OSMR: variants seen among roughly 807,000 people sequenced by gnomAD.
OSMR encodes oncostatin-M-specific receptor subunit beta.
OSMR carries 81 observed loss-of-function variants against 99.9 expected under a neutral mutation model. The ratio of observed to expected loss-of-function variants is 0.81; its 90% CI spans 0.68 to 0.97. The LOEUF (loss-of-function observed/expected upper bound fraction) is 0.97, where lower values mean the gene tolerates loss of function less well. Among genes scored for constraint, OSMR ranks in the 50% least tolerant of loss-of-function variants. The pLI is 0.00. For missense variants in OSMR, 1,099 were observed against 1,153.4 expected, an observed-to-expected ratio of 0.95 and a Z score of 0.68; for synonymous variants, 406 against 410.4, an observed-to-expected ratio of 0.99 and a Z score of 0.13.
chr5:38,890,544 AG>A (rs1744084837), intron 7 of OSMR, among the ~76,000 whole-genome samples: 1 of 151,944 alleles, frequency 6.6e-6, no homozygotes, highest in African/African-American at 2.4e-5. Context: ...GATGACTCTT[AG>A]GTGTACAAGG....
At chr5:38,870,254 A>G (rs1272020546) in intron 2 of OSMR, among the ~76,000 whole-genome samples, 2 of 151,306 alleles carry the variant, frequency 1.3e-5, no homozygotes, top group Non-Finnish European at 2.9e-5. Flanking sequence ...CCTCTCGCTC[A>G]CTCTGTCTTA....
intron 1 of OSMR, 155 bp from the exon 2 acceptor site, chr5:38,868,877 G>T: frequency 5.5e-6 from 2 of 361,248 alleles, no homozygotes; most frequent in Non-Finnish European, 3.9e-6. Flanking sequence ...TTCCTATTTT[G>T]GGGGGACTCT....
chr5:38,859,676 G>C (rs932936824), intron 1 of OSMR, among the ~76,000 whole-genome samples: 1 of 152,096 alleles, frequency 6.6e-6, no homozygotes, highest in African/African-American at 2.4e-5. Flanking sequence ...TGAATCTGTA[G>C]ATTGCTTTGG....
At chr5:38,857,773 T>G (rs1472464314) in intron 1 of OSMR, among the ~76,000 whole-genome samples, 1 of 152,152 alleles carries the variant, frequency 6.6e-6, no homozygotes, top group Non-Finnish European at 1.5e-5. Context: ...GTTCAAGCAA[T>G]TCTCCTGCTT....
intron 11 of OSMR, chr5:38,919,303 C>T: frequency 6.8e-7 from 1 of 1,475,352 alleles, no homozygotes; most frequent in Non-Finnish European, 9.0e-7. Context: ...GATTCTTCAA[C>T]ATACATGGGA....
rs372485044 is a variant in OSMR, at chr5:38,852,560, G to GT, written c.-14+6179dup. ...CTTTAATTCTTAGTGATCTTGCCAA[G>GT]TTTTTTGTAGGGAAGGGTGATATTT... On this transcript the variant is annotated intron_variant, in intron 1 of 17. Transcript: ENST00000274276. Among the ~76,000 whole-genome samples the GT allele has an allele frequency of 3.1e-3, 464 of 152,042 alleles. 2 individuals are homozygous for GT. The highest frequency in any genetic ancestry group is 0.01 in the African/African-American group (418 of 41,492).
At chr5:38,939,659 G>A (rs879897068), downstream of OSMR, 127 of 230,708 alleles carry the variant, frequency 5.5e-4, 5 homozygotes, top group Admixed American at 1.1e-3. Context: ...TTTACAACCA[G>A]CACAACTGCC....
intron 15 of OSMR, among the ~76,000 whole-genome samples, chr5:38,930,697 T>TTTA (rs1236918046): frequency 8.5e-5 from 13 of 152,198 alleles, no homozygotes; most frequent in African/African-American, 2.7e-4. Flanking sequence ...AGAAAAGATG[T>TTTA]TTATTTGGGA....
At chr5:38,932,557 G>A (rs1210182513) in intron 17 of OSMR, 22 bp downstream of exon 17, 3 of 1,598,602 alleles carry the variant, frequency 1.9e-6, no homozygotes, top group Non-Finnish European at 2.6e-6. Context: ...CAAATTGTAT[G>A]TATACCATAT....
intron 15 of OSMR, among the ~76,000 whole-genome samples, chr5:38,927,796 C>T (rs2112681839): frequency 1.3e-5 from 2 of 152,280 alleles, no homozygotes; most frequent in Middle Eastern, 3.4e-3. Context: ...GCTTGAATTT[C>T]TCTTCAAACA....
Position 38,886,123 on chromosome 5 carries a change from C to T in OSMR, c.924C>T (p.Phe308=), listed in dbSNP as rs1285029307. 6.2e-7 allele frequency: 1 copy of T among 1,614,040 alleles called. No individual in the cohort carries two copies. The highest frequency in any genetic ancestry group is 2.2e-5 in the East Asian group (1 of 44,888). Residue 308 remains phenylalanine, a synonymous_variant, in exon 7 of 18, where the codon TTC becomes TTT. Coordinates refer to ENST00000274276, the MANE Select transcript of OSMR (RefSeq NM_003999.3). ...AAGACTCACAAGAAACCTATAACTT[C>T]ACACTCATAGCTGAAAATTACTTAA... ...ITQDSQETYN[F]TLIAENYLRK... is the part of the protein sequence containing the mutation.
chr5:38,927,939 C>T (rs796714570), intron 15 of OSMR, among the ~76,000 whole-genome samples: 1 of 152,182 alleles, frequency 6.6e-6, no homozygotes, highest in Non-Finnish European at 1.5e-5. Context: ...TCAAGTTCAA[C>T]GTTCCACAGA....
At chr5:38,905,487 CA>C (rs61305308) in intron 9 of OSMR, among the ~76,000 whole-genome samples, 95,480 of 145,536 alleles carry the variant, frequency 0.66, 31,006 homozygotes, top group African/African-American at 0.72. Flanking sequence ...GACTCCATCT[CA>C]AAAAAAAAAA....
downstream of OSMR, chr5:38,937,871 C>A: frequency 5.7e-6 from 1 of 174,336 alleles, no homozygotes; most frequent in South Asian, 2.0e-4. The surrounding 1 kb of genome is among the most constrained non-coding windows in gnomAD (Gnocchi z 4.0). Context: ...CAAATCAAGG[C>A]CATATGACCA....
At chr5:38,938,285 A>AT (rs1177297861), downstream of OSMR, 1 of 227,278 alleles carries the variant, frequency 4.4e-6, no homozygotes, top group Admixed American at 5.7e-5. Context: ...TAAGTCTGAG[A>AT]TTTTTTTCAC....
chr5:38,861,912 C>T lies in OSMR; in HGVS notation c.-13-7120C>T, dbSNP rs1441078151. ...CTCCCTCCCGGACGGGGCGGCTGGC[C>T]GGGCGGGGGGCTGACCCCCCCACCT... is the stretch of plus-strand genomic sequence containing the variant. On this transcript the variant is annotated intron_variant, in intron 1 of 17. Coordinates refer to ENST00000274276, the MANE Select transcript of OSMR (RefSeq NM_003999.3). Among the ~76,000 whole-genome samples, 13 of 133,194 alleles carry T rather than the reference C, an allele frequency of 9.8e-5. 1 individual carries two copies. The South Asian group carries it at 2.7e-3, about 27-fold the overall frequency. 87.4% of individuals were successfully genotyped at this position (133,194 alleles called of 152,430 possible).
downstream of OSMR, chr5:38,940,140 A>AC: frequency 9.6e-6 from 2 of 207,350 alleles, no homozygotes; most frequent in East Asian, 6.4e-5. Context: ...TAAAAAAAAA[A>AC]AACAAAAAAA....
At position 38,883,941 on chromosome 5, in the gene OSMR, C is replaced by G. The variant is rs778009714; in HGVS notation, c.533C>G (p.Ser178Cys). ...TCTAGGAACATTCAAAATAATGTAT[C>G]CTGTTATTTGGAAGGGAAACAGATT... ...YVSRNIQNNV[S>C]CYLEGKQIHG... Residue 178 changes from serine (S) to cysteine (C), a missense_variant, in exon 5 of 18, where the codon TCC becomes TGC. Transcript: ENST00000274276. The G allele has an allele frequency of 6.2e-7, 1 of 1,613,488 alleles. No individual in the cohort carries two copies.
At chr5:38,847,765 G>GT (rs1391336732) in intron 1 of OSMR, among the ~76,000 whole-genome samples, 2 of 152,202 alleles carry the variant, frequency 1.3e-5, no homozygotes, top group Admixed American at 1.3e-4. Flanking sequence ...GTTCTCTGCT[G>GT]TAAATTGCCT....
Sources: allele counts gnomAD v4.1 joint callset (sites outside exome capture counted in the v4.1 genomes callset), GRCh38; gene constraint gnomAD v4.1.1; non-coding constraint Gnocchi (gnomAD v3.1); transcripts MANE v1.5; gene names NCBI Gene and HGNC (gene_info 2026-07-23, HGNC 2026-07-21).